Variants in RP1 observed in about 807,000 individuals in gnomAD.
The protein encoded by RP1 is oxygen-regulated protein 1.
A neutral mutation model predicts 14.8 loss-of-function variants in RP1; 16 were observed. The ratio of observed to expected loss-of-function variants is 1.08; its 90% CI spans 0.73 to 1.65. RP1 has a LOEUF of 1.65. RP1 is among the 40% of genes most tolerant of loss of function. The pLI is 0.00. For synonymous variants in RP1, 876 were observed against 883.6 expected (o/e 0.99, Z 0.15); for missense variants, 2,631 against 2,535.0 (o/e 1.04, Z -0.81).
chr8:54,738,793 G>A, intron 18 of RP1: 3 of 504,428 alleles, frequency 5.9e-6, no homozygotes, highest in Non-Finnish European at 7.0e-6. Context: ...TGTTTCTTGA[G>A]GGCATTTCAT....
At chr8:54,570,661 ATTC>A (rs1342865782) in intron 1 of RP1, among the ~76,000 whole-genome samples, 8 of 148,376 alleles carry the variant, frequency 5.4e-5, no homozygotes, top group Non-Finnish European at 8.9e-5. Context: ...TAATCAAACT[ATTC>A]TTTGTTTTCA....
At chr8:54,728,299 A>G (rs1808708341) in intron 17 of RP1, among the ~76,000 whole-genome samples, 1 of 152,188 alleles carries the variant, frequency 6.6e-6, no homozygotes, top group Non-Finnish European at 1.5e-5. Flanking sequence ...TGCAATAGTT[A>G]AAAAGTTGCT....
At chr8:54,758,865 G>T (rs1585667518) in intron 21 of RP1, 317 of 1,443,942 alleles carry the variant, frequency 2.2e-4, no homozygotes, top group Middle Eastern at 9.3e-4. Context: ...GCCTGCATTT[G>T]TCATGCCTCG....
At position 54,626,758 on chromosome 8, in the gene RP1, C is replaced by T. The variant is rs1225877184; in HGVS notation, c.2876C>T (p.Thr959Ile). The T allele has an allele frequency of 2.5e-6, 4 of 1,613,644 alleles. No homozygotes were observed. Among genetic ancestry groups the T allele is most frequent in the Non-Finnish European group, 3.4e-6 (4 of 1,179,928 alleles). ...NNSFSGNDPH[T>I]NSGKISNFVM... is the part of the protein sequence containing the mutation. ...AGTTTTTCAGGGAATGATCCCCATA[C>T]AAATTCTGGAAAAATAAGTAATTTT... The change falls in exon 4 of 4, where the codon ACA becomes ATA. Residue 959 changes from threonine to isoleucine, a missense_variant. Thr to Ile is a moderately conservative substitution (Grantham distance 89). Coordinates refer to ENST00000220676, the MANE Select transcript of RP1 (RefSeq NM_006269.2).
chr8:54,739,110 G>C, intron 19 of RP1: 6 of 978,666 alleles, frequency 6.1e-6, no homozygotes, highest in Non-Finnish European at 9.0e-6. Flanking sequence ...CAGTGAAAAC[G>C]GTATTTTCCT....
chr8:54,658,891 T>TC (rs1806817284), intron 6 of RP1, among the ~76,000 whole-genome samples: 1 of 152,000 alleles, frequency 6.6e-6, no homozygotes, highest in African/African-American at 2.4e-5. Context: ...CTTGTTTTTT[T>TC]TTTTTCTATT....
intron 24 of RP1, among the ~76,000 whole-genome samples, chr8:54,784,100 T>TA (rs566992053): frequency 3.9e-5 from 6 of 152,124 alleles, no homozygotes; most frequent in Non-Finnish European, 8.8e-5. Context: ...AGCATGATGG[T>TA]ATGATGGAAA....
intron 23 of RP1, among the ~76,000 whole-genome samples, chr8:54,777,612 T>C (rs548876154): frequency 1.4e-3 from 206 of 152,126 alleles, no homozygotes; most frequent in Non-Finnish European, 2.1e-3. Flanking sequence ...GATATTTGTC[T>C]CCTGAAAGAA....
intron 1 of RP1, among the ~76,000 whole-genome samples, chr8:54,604,877 C>T (rs569570716): frequency 1.7e-4 from 26 of 152,034 alleles, no homozygotes; most frequent in South Asian, 4.2e-4. Flanking sequence ...GTGGGATCGG[C>T]GGTGATATCC....
chr8:54,693,491 C>T (rs905186082), intron 12 of RP1, among the ~76,000 whole-genome samples: 3 of 152,036 alleles, frequency 2.0e-5, no homozygotes, highest in Non-Finnish European at 4.4e-5. Flanking sequence ...TCTTTTATTT[C>T]GTTGAGCAGT....
intron 25 of RP1, among the ~76,000 whole-genome samples, chr8:54,847,427 C>T (rs1811950126): frequency 6.6e-6 from 1 of 152,150 alleles, no homozygotes; most frequent in South Asian, 2.1e-4. Context: ...GCTACAATCT[C>T]ATAATTGTAT....
chr8:54,856,939 T>C (rs953289946), intron 26 of RP1: 4 of 369,704 alleles, frequency 1.1e-5, no homozygotes, highest in African/African-American at 6.3e-5. Flanking sequence ...TATAGTATAG[T>C]AACAATATAG....
At chr8:54,706,334 C>A in intron 14 of RP1, 1 of 1,084,630 alleles carries the variant, frequency 9.2e-7, no homozygotes, top group Non-Finnish European at 1.3e-6. Context: ...GCCACCAAGC[C>A]TCCTGGTCAC....
Position 54,863,044 on chromosome 8 carries a change from GATATATATATATATATAT to G in RP1, c.4070-2774_4070-2757del, listed in dbSNP as rs61233765. ...CTCTACCCCCAGAGTATTCCAAATG[GATATATATATATATATAT>G]ATATATATATATATATGCAGAATCA... On this transcript the variant is annotated intron_variant, in intron 27 of 28. Transcript: ENST00000637698. Among the ~76,000 whole-genome samples, 390 of 101,850 alleles carry G rather than the reference GATATATATATATATATAT, an allele frequency of 3.8e-3. 6 individuals carry two copies. The highest frequency in any genetic ancestry group is 0.012 in the African/African-American group (340 of 27,214). The allele number at this position is 101,850 out of a possible 152,430, so 66.8% of individuals were successfully genotyped here.
chr8:54,820,069 G>A (rs1811220999), intron 24 of RP1, among the ~76,000 whole-genome samples: 1 of 152,112 alleles, frequency 6.6e-6, no homozygotes, highest in African/African-American at 2.4e-5. Context: ...GGCCAAGGAT[G>A]GATCTAAAAC....
At chr8:54,843,556 A>T (rs1811839861) in intron 25 of RP1, among the ~76,000 whole-genome samples, 2 of 152,126 alleles carry the variant, frequency 1.3e-5, no homozygotes, top group African/African-American at 4.8e-5. Flanking sequence ...TGTTCCTGAG[A>T]TCTGATTTTT....
intron 1 of RP1, among the ~76,000 whole-genome samples, chr8:54,584,913 T>C (rs1472947674): frequency 6.6e-6 from 1 of 152,192 alleles, no homozygotes; most frequent in African/African-American, 2.4e-5. Flanking sequence ...TGAGATGGGT[T>C]TCCTGAATAC....
chr8:54,820,419 T>C (rs1027696538), intron 24 of RP1, among the ~76,000 whole-genome samples: 3 of 152,108 alleles, frequency 2.0e-5, no homozygotes, highest in African/African-American at 7.2e-5. Flanking sequence ...CCTAGACTGC[T>C]TTAGTCTGCT....
At chr8:54,737,421 G>A (rs1248374929) in intron 18 of RP1, among the ~76,000 whole-genome samples, 1 of 152,204 alleles carries the variant, frequency 6.6e-6, no homozygotes, top group African/African-American at 2.4e-5. Flanking sequence ...TGTGGAGAAA[G>A]GAAGTTTACA....
Sources: allele counts gnomAD v4.1 joint callset (sites outside exome capture counted in the v4.1 genomes callset), GRCh38; gene constraint gnomAD v4.1.1; transcripts MANE v1.5; gene names NCBI Gene and HGNC (gene_info 2026-07-23, HGNC 2026-07-21).